The following KCP variants were observed in gnomAD, a reference collection of about 807,000 sequenced individuals.
KCP encodes kielin cysteine rich BMP regulator.
In KCP, 194 loss-of-function variants were observed where a neutral mutation model predicts 212.7. The observed-to-expected ratio is 0.91, with a 90% CI of 0.81 to 1.03. The LOEUF (loss-of-function observed/expected upper bound fraction) is 1.03, where lower values mean the gene tolerates loss of function less well. KCP is among the 50% of genes least tolerant of loss of function. KCP has a pLI of 0.00. For missense variants in KCP, 2,080 were observed against 2,162.5 expected (o/e 0.96, Z 0.76); for synonymous variants, 833 against 865.3 (o/e 0.96, Z 0.65).
Position 128,884,122 on chromosome 7 carries a change from G to T in KCP, c.3124C>A (p.Pro1042Thr). The part of the protein sequence containing the change: ...ADPCEVCICE[P>T]QPEGPPSLRC... ...AGGCTGGGAGGCCCCTCAGGCTGTG[G>T]CTACAAGAATGAGTGAGCAGCGGTG... Residue 1042 changes from proline (P) to threonine (T), a missense_variant and splice_region_variant, in exon 29 of 40, where the codon CCA becomes ACA. Coordinates refer to ENST00000610776, the MANE Select transcript of KCP (RefSeq NM_001366122.1). The T allele has an allele frequency of 6.5e-7, 1 of 1,543,116 alleles. No homozygotes were observed. The highest frequency in any genetic ancestry group is 8.7e-7 in the Non-Finnish European group (1 of 1,144,914).
intron 16 of KCP, among the ~76,000 whole-genome samples, 177 bp from the exon 17 acceptor site, chr7:128,891,996 T>C (rs1453271354): frequency 2.0e-5 from 3 of 152,118 alleles, no homozygotes; most frequent in Non-Finnish European, 4.4e-5. Context: ...CACACGAGTG[T>C]GCGTGCGCAT....
At chr7:128,888,287 C>G (rs1793838821) in intron 22 of KCP, among the ~76,000 whole-genome samples, 2 of 141,090 alleles carry the variant, frequency 1.4e-5, no homozygotes, top group Non-Finnish European at 3.0e-5. Flanking sequence ...CTGTCACACA[C>G]ACAGAGCAAC....
chr7:128,880,596 C>T (rs1318075662), intron 33 of KCP, 23 bp downstream of exon 33: 3 of 1,298,730 alleles, frequency 2.3e-6, no homozygotes, highest in Admixed American at 3.5e-5. Flanking sequence ...GCTTACCCCT[C>T]CCCCATCACC....
In KCP at chr7:128,879,794, C is replaced by T. The variant is rs1330898292; in HGVS notation, c.3968G>A (p.Gly1323Asp). ...CGCCACCTCCTGGGTCCAGGCCACA[C>T]CGCTCCGGCCCCGGTCATCATTGGT... ...HVTNDDRGRS[G>D]VAWTQEVAVL... Residue 1323 changes from glycine to aspartate, a missense_variant, in exon 36 of 40, where the codon GGT (glycine) becomes GAT (aspartate). Gly to Asp is a moderately conservative substitution (Grantham distance 94). Coordinates refer to ENST00000610776, the MANE Select transcript of KCP (RefSeq NM_001366122.1). 2.6e-6 allele frequency: 4 copies of T among 1,550,672 alleles called. No individual in the cohort carries two copies. Among genetic ancestry groups the T allele is most frequent in the African/African-American group, 2.7e-5 (2 of 73,058 alleles).
At chr7:128,890,542 CGTGGGGACTAGAGGGCT>C (rs925782958) in intron 20 of KCP, 29 bp from the exon 21 acceptor site, 2 of 1,341,312 alleles carry the variant, frequency 1.5e-6, no homozygotes, top group African/African-American at 1.6e-5. Context: ...GCTGGGGGGC[CGTGGGGACTAGAGGGCT>C]GTGGGGACTT....
At position 128,880,381 on chromosome 7, in the gene KCP, C is replaced by T. The variant is rs1356072243; in HGVS notation, c.3759+5G>A. ...CTCCCCACCATTTTAGATTGCGGCA[C>T]TCACGGGGCCACACGAGAGCGGTGA... On this transcript the variant is annotated splice_donor_5th_base_variant and intron_variant, in intron 34 of 39. Coordinates refer to ENST00000610776, the MANE Select transcript of KCP (RefSeq NM_001366122.1). 2 of 1,522,132 alleles carry T rather than the reference C, an allele frequency of 1.3e-6. No homozygotes were observed. The highest frequency in any genetic ancestry group is 2.5e-5 in the East Asian group (1 of 40,456). The allele number at this position is 1,522,132 out of a possible 1,614,324, so 94.3% of individuals were successfully genotyped here.
chr7:128,886,797 C>T (rs915051420), intron 24 of KCP, 60 bp from the exon 25 acceptor site: 28 of 1,507,242 alleles, frequency 1.9e-5, no homozygotes, highest in Non-Finnish European at 2.3e-5. Flanking sequence ...CTCGGCCCAG[C>T]CTTAGGCCTG....
Position 128,879,801 on chromosome 7 carries a change from G to A in KCP, c.3961C>T (p.Arg1321Trp), listed in dbSNP as rs909725523. ...SVHVTNDDRG[R>W]SGVAWTQEVA... ...TCCTGGGTCCAGGCCACACCGCTCC[G>A]GCCCCGGTCATCATTGGTCACGTGC... Residue 1321 changes from arginine (R) to tryptophan (W), a missense_variant, in exon 36 of 40, where the codon CGG (arginine) becomes TGG (tryptophan). Physicochemically the swap from Arg to Trp is moderately radical, Grantham distance 101. Transcript: ENST00000610776. 1.5e-5 allele frequency: 24 copies of A among 1,550,696 alleles called. No homozygotes were observed. Among genetic ancestry groups the A allele is most frequent in the South Asian group, 2.4e-5 (2 of 84,052 alleles).
At position 128,891,696 on chromosome 7, in the gene KCP, G is replaced by A. The variant is rs1031319807; in HGVS notation, c.1745C>T (p.Ala582Val). The A allele has an allele frequency of 4.3e-5, 63 of 1,450,960 alleles. 3 individuals carry two copies. In the South Asian group the frequency reaches 8.2e-4, roughly 19 times the overall value. 89.9% of individuals were successfully genotyped at this position (1,450,960 alleles called of 1,614,324 possible). ...AHCQPRPCPR[A>V]PCAHPLPGTC... ...CCCAGGCAGCGGGTGGGCACAGGGG[G>A]CCCTGGGGCAGGGGCGAGGCTGGCA... The change falls in exon 17 of 40, where the codon GCC (alanine) becomes GTC (valine). Residue 582 changes from alanine (A) to valine (V), a missense_variant. Ala to Val is a moderately conservative substitution (Grantham distance 64, BLOSUM62 0). Transcript: ENST00000610776.
At chr7:128,907,038 G>C (rs902602099) in intron 4 of KCP, 63 bp downstream of exon 4, 5 of 1,471,772 alleles carry the variant, frequency 3.4e-6, no homozygotes, top group African/African-American at 1.4e-5. Context: ...CCACGCTGCA[G>C]TGACAGGTAG....
In KCP at chr7:128,906,186, T is replaced by TGG; in HGVS notation, c.571+91_571+92dup. 5 of 1,084,946 alleles carry TGG rather than the reference T, an allele frequency of 4.6e-6. No homozygotes were observed. The South Asian group carries it at 6.7e-5, about 15-fold the overall frequency. 67.2% of individuals were successfully genotyped at this position (1,084,946 alleles called of 1,614,324 possible). A position where few individuals can be genotyped will look rare whatever the true frequency, so the allele number is the denominator to read the frequency against. ...GTCAGAGTGAGTGGGTAGGCACCCC[T>TGG]GGGCATGTCCCAGACTCACTGAGGT... On this transcript the variant is annotated intron_variant, in intron 5 of 39. Transcript: ENST00000610776.
Position 128,877,478 on chromosome 7 carries a change from C to T in KCP, c.4618+6G>A, listed in dbSNP as rs1793063047. The T allele has an allele frequency of 2.3e-5, 36 of 1,550,772 alleles. No homozygotes were observed. The highest frequency in any genetic ancestry group is 3.1e-5 in the Non-Finnish European group (36 of 1,146,858). On this transcript the variant is annotated splice_donor_region_variant and intron_variant, in intron 39 of 39. Transcript: ENST00000610776. The stretch of plus-strand genomic sequence containing the variant: ...CCCCAACCTGCAGCGGGCATCACCC[C>T]CTCACCACACAGCGTGGGGCCTCGC...
At chr7:128,895,427 C>G (rs544112870) in intron 8 of KCP, among the ~76,000 whole-genome samples, 3 of 152,312 alleles carry the variant, frequency 2.0e-5, no homozygotes, top group Admixed American at 2.0e-4. Flanking sequence ...CTTGAATTCA[C>G]ACCCACATCA....
rs1205068869 is a variant in KCP, at chr7:128,877,737, A to AT, written c.4364dup (p.Asp1455GlufsTer13). ...CACGGTAACCTGCTGCCCGGCACGG[A>AT]TCCACCTCTCGGCCTGCAGAACAGG... On this transcript the variant is annotated frameshift_variant, in exon 39 of 40. Coordinates refer to ENST00000610776, the MANE Select transcript of KCP (RefSeq NM_001366122.1). LOFTEE classifies it high-confidence loss of function. 7 of 1,550,858 alleles carry AT rather than the reference A, an allele frequency of 4.5e-6. No individual in the cohort carries two copies. The highest frequency in any genetic ancestry group is 4.4e-6 in the Non-Finnish European group (5 of 1,146,962).
In KCP at chr7:128,880,326, A is replaced by T. The variant is rs889185894; in HGVS notation, c.3759+60T>A. ...CTCTCTGATGCCTGGTCACACCAGG[A>T]TGGCGGTACCATGTGCCCCCACCCT... is the stretch of plus-strand genomic sequence containing the variant. On this transcript the variant is annotated intron_variant, in intron 34 of 39. Coordinates refer to ENST00000610776, the MANE Select transcript of KCP (RefSeq NM_001366122.1). The T allele has an allele frequency of 2.1e-5, 30 of 1,463,112 alleles. No individual in the cohort carries two copies. In the African/African-American group the frequency reaches 3.9e-4, roughly 19 times the overall value. The allele number at this position is 1,463,112 out of a possible 1,614,324, so 90.6% of individuals were successfully genotyped here.
intron 11 of KCP, 45 bp downstream of exon 11, chr7:128,893,761 C>T (rs1412133538): frequency 2.0e-6 from 3 of 1,530,208 alleles, no homozygotes; most frequent in South Asian, 1.2e-5. Context: ...AGCCTCTCTG[C>T]AGCCAAGGCC....
rs1191860509 is a variant in KCP, at chr7:128,907,176, G to A, written c.411C>T (p.Gly137=). Residue 137 remains glycine, a splice_region_variant and synonymous_variant, in exon 4 of 40, where the codon GGC becomes GGT. Coordinates refer to ENST00000610776, the MANE Select transcript of KCP (RefSeq NM_001366122.1). ...GPQAHLPHCR[G]CSQNGQTYGN... is the part of the protein sequence containing the mutation. ...CGTAGGTCTGGCCATTTTGGCTGCA[G>A]CCTAAGGAGACAGCAGTGTCACTCA... The A allele has an allele frequency of 6.4e-7, 1 of 1,551,198 alleles. No homozygotes were observed. Among genetic ancestry groups the A allele is most frequent in the Non-Finnish European group, 8.7e-7 (1 of 1,146,714 alleles).
At chr7:128,885,402 G>T in intron 26 of KCP, 132 bp from the exon 27 acceptor site, 1 of 874,106 alleles carries the variant, frequency 1.1e-6, no homozygotes, top group Non-Finnish European at 1.7e-6. Flanking sequence ...GGGAAGGTGC[G>T]ATGGGGCAGA....
At chr7:128,889,920 CTTTTTTTTTTTT>C (rs35633844) in intron 21 of KCP, 2,356 of 99,610 alleles carry the variant, frequency 0.024, 77 homozygotes, top group African/African-American at 0.087. Context: ...TAGTGTCAGG[CTTTTTTTTTTTT>C]TTTTTTTTTT....
Sources: allele counts gnomAD v4.1 joint callset (sites outside exome capture counted in the v4.1 genomes callset), GRCh38; gene constraint gnomAD v4.1.1; transcripts MANE v1.5; gene names NCBI Gene and HGNC (gene_info 2026-07-23, HGNC 2026-07-21).